Variants in FGF12 observed in about 807,000 individuals in gnomAD.
The protein encoded by FGF12 is fibroblast growth factor 12B.
In FGF12, 14 loss-of-function variants were observed where a neutral mutation model predicts 23.6. The observed-to-expected ratio is 0.59, with a 90% confidence interval of 0.39 to 0.93. The LOEUF (loss-of-function observed/expected upper bound fraction) is 0.93, where lower values mean the gene tolerates loss of function less well. FGF12 is among the 40% of genes least tolerant of loss of function. FGF12 has a pLI of 0.00. For synonymous variants in FGF12, 62 were observed against 77.3 expected, an observed-to-expected ratio of 0.80 and a Z score of 1.04; for missense variants, 175 against 217.8, an observed-to-expected ratio of 0.80 and a Z score of 1.24.
chr3:192,629,258 A>G (rs1715297995), intron 2 of FGF12, among the ~76,000 whole-genome samples: 1 of 152,228 alleles, frequency 6.6e-6, no homozygotes, highest in African/African-American at 2.4e-5. Flanking sequence ...AACCCACTGA[A>G]CACAGCAAGT....
At chr3:192,300,393 G>A (rs780266434) in intron 4 of FGF12, among the ~76,000 whole-genome samples, 1 of 152,152 alleles carries the variant, frequency 6.6e-6, no homozygotes, top group African/African-American at 2.4e-5. Flanking sequence ...CTGTCCAGAT[G>A]GGACCTAATA....
chr3:192,312,676 C>T (rs757659371), intron 4 of FGF12, among the ~76,000 whole-genome samples: 18 of 150,426 alleles, frequency 1.2e-4, no homozygotes, highest in African/African-American at 2.2e-4. Flanking sequence ...AATGTTATGC[C>T]GTGGAGCTTG....
intron 2 of FGF12, among the ~76,000 whole-genome samples, chr3:192,565,076 G>A (rs545552951): frequency 9.2e-5 from 14 of 152,176 alleles, no homozygotes; most frequent in Non-Finnish European, 1.5e-4. Flanking sequence ...ATTAATCACT[G>A]TTTATTAACT....
At chr3:192,594,213 T>C (rs1713744866) in intron 2 of FGF12, among the ~76,000 whole-genome samples, 1 of 151,854 alleles carries the variant, frequency 6.6e-6, no homozygotes, top group African/African-American at 2.4e-5. Flanking sequence ...ATGAGTGTCA[T>C]CACATGATGA....
At chr3:192,556,981 G>GGGAAACTT (rs1407726848) in intron 2 of FGF12, among the ~76,000 whole-genome samples, 1 of 151,744 alleles carries the variant, frequency 6.6e-6, no homozygotes, top group Admixed American at 6.6e-5. Flanking sequence ...AAAGCCAAAA[G>GGGAAACTT]GGAAACTTAA....
chr3:192,472,996 G>C (rs1184590789), intron 2 of FGF12, among the ~76,000 whole-genome samples: 2 of 152,118 alleles, frequency 1.3e-5, no homozygotes, highest in African/African-American at 4.8e-5. Context: ...GCAGGCTCCA[G>C]AAAGATTTAG....
At chr3:192,259,465 T>C (rs183125317) in intron 4 of FGF12, among the ~76,000 whole-genome samples, 117 of 152,268 alleles carry the variant, frequency 7.7e-4, no homozygotes, top group African/African-American at 2.6e-3. Context: ...AATTATGTTA[T>C]TTAAAAACTC....
chr3:192,342,985 A>AAGAGAGGG (rs551053707), intron 3 of FGF12, among the ~76,000 whole-genome samples: 2 of 151,856 alleles, frequency 1.3e-5, no homozygotes, highest in African/African-American at 2.4e-5. Flanking sequence ...GAAGAAGAGG[A>AAGAGAGGG]AGAGAGGGAG....
chr3:192,556,661 T>C (rs1187903642), intron 2 of FGF12, among the ~76,000 whole-genome samples: 2 of 152,122 alleles, frequency 1.3e-5, no homozygotes, highest in South Asian at 2.1e-4. Flanking sequence ...ATTCTATTTA[T>C]CAAATGGACC....
chr3:192,158,393 C>A (rs762930953), intron 5 of FGF12, among the ~76,000 whole-genome samples: 1 of 79,232 alleles, frequency 1.3e-5, no homozygotes, highest in African/African-American at 9.9e-5. Context: ...TTTTCTTTCT[C>A]TCTCTTTCTT....
At chr3:192,700,224 A>C (rs1018712391) in intron 2 of FGF12, among the ~76,000 whole-genome samples, 1 of 152,194 alleles carries the variant, frequency 6.6e-6, no homozygotes, top group African/African-American at 2.4e-5. Flanking sequence ...ACTGCAGTCC[A>C]AAAATGGACA....
intron 2 of FGF12, among the ~76,000 whole-genome samples, chr3:192,627,840 C>G (rs1228692331): frequency 7.1e-6 from 1 of 140,796 alleles, no homozygotes; most frequent in Non-Finnish European, 1.6e-5. Flanking sequence ...GACTTGTACT[C>G]TGTGTGTGTG....
chr3:192,438,649 T>C (rs1722100035), intron 2 of FGF12, among the ~76,000 whole-genome samples: 1 of 152,224 alleles, frequency 6.6e-6, no homozygotes, highest in Non-Finnish European at 1.5e-5. Context: ...CCAGGTTTGC[T>C]GCTGTAATCA....
chr3:192,634,535 T>C (rs1471911676), intron 2 of FGF12, among the ~76,000 whole-genome samples: 1 of 152,136 alleles, frequency 6.6e-6, no homozygotes, highest in Non-Finnish European at 1.5e-5. Flanking sequence ...TCATGGATAC[T>C]GAGGGATGAC....
intron 2 of FGF12, among the ~76,000 whole-genome samples, chr3:192,666,945 A>AGAT (rs1251526458): frequency 6.6e-6 from 1 of 152,088 alleles, no homozygotes; most frequent in Non-Finnish European, 1.5e-5. Flanking sequence ...ATAGATAGAT[A>AGAT]GATAGATAGA....
rs915643057 is a variant in FGF12 at position 192,567,899 on chromosome 3, C to A, written c.13+159282G>T. ...CCAGGCTGGAGTGCAGTGGCGCGATCTTGGCTCACTACAACTTCCCCCTCC... is the reference window on the plus strand; with the variant it reads ...CCAGGCTGGAGTGCAGTGGCGCGATATTGGCTCACTACAACTTCCCCCTCC... On this transcript the variant is annotated intron_variant, in intron 2 of 5. Coordinates refer to ENST00000445105, the MANE Select transcript of FGF12 (RefSeq NM_004113.6). Among the ~76,000 whole-genome samples the A allele has an allele frequency of 2.0e-5, 3 of 151,200 alleles. No homozygotes were observed. In the East Asian group the frequency reaches 5.9e-4, roughly 29 times the overall value.
At chr3:192,674,408 A>G (rs1358460572) in intron 2 of FGF12, among the ~76,000 whole-genome samples, 2 of 152,214 alleles carry the variant, frequency 1.3e-5, no homozygotes, top group African/African-American at 4.8e-5. Flanking sequence ...GGGCTAAAAC[A>G]AAATGATAAA....
At chr3:192,557,454 T>C (rs1010393258) in intron 2 of FGF12, among the ~76,000 whole-genome samples, 1 of 151,882 alleles carries the variant, frequency 6.6e-6, no homozygotes, top group Non-Finnish European at 1.5e-5. Context: ...CATGACTAGA[T>C]GGCTTCATTT....
intron 2 of FGF12, among the ~76,000 whole-genome samples, chr3:192,677,709 A>G (rs1030641443): frequency 1.3e-5 from 2 of 152,156 alleles, no homozygotes; most frequent in Non-Finnish European, 2.9e-5. Flanking sequence ...TTTTCAATGC[A>G]AGCTGCCCCA....
Sources: allele counts gnomAD v4.1 joint callset (sites outside exome capture counted in the v4.1 genomes callset), GRCh38; gene constraint gnomAD v4.1.1; transcripts MANE v1.5; gene names NCBI Gene and HGNC (gene_info 2026-07-23, HGNC 2026-07-21).